PPP2R2B: variants seen among roughly 807,000 people sequenced by gnomAD.
PPP2R2B encodes the protein serine/threonine-protein phosphatase 2A 55 kDa regulatory subunit B beta isoform.
In PPP2R2B, 5 loss-of-function variants were observed where a neutral mutation model predicts 46.0. That is an observed-to-expected ratio of 0.11 (90% confidence interval 0.06 to 0.23). PPP2R2B has a LOEUF of 0.23. Among genes scored for constraint, PPP2R2B ranks in the 10% least tolerant of loss-of-function variants. The pLI is 1.00. For missense variants in PPP2R2B, 367 were observed against 575.0 expected (o/e 0.64, Z 3.70); for synonymous variants, 215 against 206.7 (o/e 1.04, Z -0.34).
At chr5:146,882,170 G>C (rs535362166), upstream of PPP2R2B, among the ~76,000 whole-genome samples, 1 of 151,778 alleles carries the variant, frequency 6.6e-6, no homozygotes, top group Non-Finnish European at 1.5e-5. Context: ...CCAGCTACTC[G>C]GGAGGCTGAG....
chr5:146,752,638 ATAAGT>A (rs1393857066), intron 2 of PPP2R2B, among the ~76,000 whole-genome samples: 1 of 152,158 alleles, frequency 6.6e-6, no homozygotes, highest in Non-Finnish European at 1.5e-5. Context: ...AATGTGTGAG[ATAAGT>A]TAAGTCCCCA....
intron 2 of PPP2R2B, among the ~76,000 whole-genome samples, chr5:146,793,064 G>A (rs1259751436): frequency 6.6e-6 from 1 of 152,182 alleles, no homozygotes; most frequent in Non-Finnish European, 1.5e-5. Flanking sequence ...GCATCAGCAC[G>A]GTAGCAGTGG....
chr5:146,877,792 C>T (rs1329695570), intron 2 of PPP2R2B, among the ~76,000 whole-genome samples: 1 of 152,188 alleles, frequency 6.6e-6, no homozygotes, highest in Non-Finnish European at 1.5e-5. Context: ...CCCGTGGGCG[C>T]CGGGTCCACC....
intron 7 of PPP2R2B, among the ~76,000 whole-genome samples, chr5:146,620,568 G>A (rs536114822): frequency 6.6e-6 from 1 of 152,132 alleles, no homozygotes; most frequent in African/African-American, 2.4e-5. Flanking sequence ...CTCTCTGCAA[G>A]GTTGGTGAGT....
At chr5:146,843,048 G>C (rs879390460) in intron 2 of PPP2R2B, among the ~76,000 whole-genome samples, 1 of 152,206 alleles carries the variant, frequency 6.6e-6, no homozygotes, top group South Asian at 2.1e-4. Flanking sequence ...ATTAGCTGGC[G>C]TGATGGCGCA....
intron 1 of PPP2R2B, among the ~76,000 whole-genome samples, chr5:146,942,027 T>C (rs1281793047): frequency 6.6e-6 from 1 of 152,220 alleles, no homozygotes; most frequent in African/African-American, 2.4e-5. Context: ...CCCAGTTGCA[T>C]GGCCATCTTC....
At chr5:146,910,170 T>G (rs927138473) in intron 1 of PPP2R2B, among the ~76,000 whole-genome samples, 1 of 152,250 alleles carries the variant, frequency 6.6e-6, no homozygotes, top group African/African-American at 2.4e-5. Flanking sequence ...AACATAAAAT[T>G]TAATCTTTCA....
chr5:147,002,159 T>A (rs1754208588), intron 1 of PPP2R2B, among the ~76,000 whole-genome samples: 1 of 152,152 alleles, frequency 6.6e-6, no homozygotes, highest in African/African-American at 2.4e-5. Context: ...CCTGTAAGAA[T>A]GATTTCTAGT....
At chr5:146,595,704 C>T (rs971929150) in intron 8 of PPP2R2B, among the ~76,000 whole-genome samples, 6 of 152,136 alleles carry the variant, frequency 3.9e-5, no homozygotes, top group Non-Finnish European at 8.8e-5. Context: ...CTTAGGCAAA[C>T]CAGAGGGACC....
Position 146,866,687 on chromosome 5 carries a change from T to C in PPP2R2B, c.70+11315A>G, listed in dbSNP as rs563650050. Among the ~76,000 whole-genome samples, 3 of 152,284 alleles carry C rather than the reference T, an allele frequency of 2.0e-5. No homozygotes were observed. The East Asian group carries it at 5.8e-4, about 29-fold the overall frequency. Reference sequence around the variant, plus strand: ...AGGCATCTATATCATATATACATCATATGTAGTATACCATAGATACATAAT... The same window carrying C: ...AGGCATCTATATCATATATACATCACATGTAGTATACCATAGATACATAAT... On this transcript the variant is annotated intron_variant, in intron 2 of 9. Coordinates refer to ENST00000394411, the MANE Select transcript of PPP2R2B (RefSeq NM_181675.4).
intron 1 of PPP2R2B, among the ~76,000 whole-genome samples, chr5:146,908,032 AC>A (rs1450498767): frequency 6.6e-6 from 1 of 152,192 alleles, no homozygotes; most frequent in African/African-American, 2.4e-5. Flanking sequence ...GAGCATACCC[AC>A]AGCCACGTTC....
At chr5:146,876,048 G>C (rs577801102) in intron 2 of PPP2R2B, among the ~76,000 whole-genome samples, 29 of 152,160 alleles carry the variant, frequency 1.9e-4, no homozygotes, top group African/African-American at 7.0e-4. Flanking sequence ...TTAAAACCTA[G>C]AAGCTTCTGT....
At chr5:146,874,774 A>AG (rs1418810351) in intron 2 of PPP2R2B, among the ~76,000 whole-genome samples, 1 of 152,104 alleles carries the variant, frequency 6.6e-6, no homozygotes, top group East Asian at 1.9e-4. Flanking sequence ...CCACATATAG[A>AG]GAGATTTGAG....
In PPP2R2B at chr5:147,043,024, G is replaced by A. The variant is rs148615033; in HGVS notation, c.79+12641C>T. 2.0e-5 allele frequency among the ~76,000 whole-genome samples: 3 copies of A among 152,192 alleles called. No homozygotes were observed. The East Asian group carries it at 5.8e-4, about 30-fold the overall frequency. On this transcript the variant is annotated intron_variant, in intron 1 of 8. Coordinates refer to the PPP2R2B transcript ENST00000336640. ...GGGGCTAATACCTTGTAGCTTGTTT[G>A]CGTTATTTCTAGGCTGCAGAATACT...
Position 146,878,390 on chromosome 5 carries a change from G to A in PPP2R2B, c.-124-195C>T, listed in dbSNP as rs1245277777. The A allele has an allele frequency of 2.1e-6, 3 of 1,427,106 alleles. No homozygotes were observed. Among genetic ancestry groups the A allele is most frequent in the Non-Finnish European group, 2.7e-6 (3 of 1,096,288 alleles). 88.4% of individuals were successfully genotyped at this position (1,427,106 alleles called of 1,614,324 possible). ...TGCCAAGATACGCCGTGCCCCGAGGGGTCTGGTCCCGCCCGCCCGCCCCGG... is the reference window on the plus strand; with the variant it reads ...TGCCAAGATACGCCGTGCCCCGAGGAGTCTGGTCCCGCCCGCCCGCCCCGG... On this transcript the variant is annotated intron_variant, in intron 1 of 9. Coordinates refer to ENST00000394411, the MANE Select transcript of PPP2R2B (RefSeq NM_181675.4). This position sits in a 1 kb window ranked among gnomAD's most constrained non-coding sequence, Gnocchi z 4.5.
intron 1 of PPP2R2B, among the ~76,000 whole-genome samples, chr5:146,901,283 T>G (rs1416708098): frequency 6.6e-6 from 1 of 152,148 alleles, no homozygotes; most frequent in East Asian, 1.9e-4. Flanking sequence ...GAGGATCCCT[T>G]GAGCCCAGGA....
At chr5:146,817,857 A>G (rs906298509) in intron 2 of PPP2R2B, among the ~76,000 whole-genome samples, 1 of 152,202 alleles carries the variant, frequency 6.6e-6, no homozygotes, top group Admixed American at 6.5e-5. Flanking sequence ...TTCTGATGCC[A>G]ATTTAAAATT....
chr5:146,842,566 T>G (rs1561951086), intron 2 of PPP2R2B, among the ~76,000 whole-genome samples: 1 of 151,708 alleles, frequency 6.6e-6, no homozygotes, highest in Non-Finnish European at 1.5e-5. Context: ...CCGTGGGGGT[T>G]TGTTACATAG....
At chr5:147,038,618 A>T (rs904048025) in intron 1 of PPP2R2B, among the ~76,000 whole-genome samples, 3 of 152,242 alleles carry the variant, frequency 2.0e-5, no homozygotes, top group Admixed American at 1.3e-4. Flanking sequence ...CAAGGAACGA[A>T]TTATAATAGC....
Sources: gnomAD v4.1 joint callset for allele counts (sites outside exome capture counted in the v4.1 genomes callset) on GRCh38, gnomAD v4.1.1 for gene constraint, Gnocchi (gnomAD v3.1) non-coding constraint, MANE v1.5 for transcripts, NCBI Gene and HGNC (gene_info 2026-07-23, HGNC 2026-07-21) for gene names.